TIAM2: variants seen among roughly 807,000 people sequenced by gnomAD.
TIAM2 encodes rho guanine nucleotide exchange factor TIAM2.
A neutral mutation model predicts 152.9 loss-of-function variants in TIAM2; 80 were observed. The observed-to-expected ratio is 0.52, with a 90% CI of 0.44 to 0.63. TIAM2 has a LOEUF of 0.63. TIAM2 is among the 30% of genes least tolerant of loss of function. The pLI, the probability that TIAM2 is intolerant of heterozygous loss-of-function variation, is 0.00. For synonymous variants in TIAM2, 804 were observed against 838.0 expected (o/e 0.96, Z 0.70); for missense variants, 1,965 against 2,120.1 (o/e 0.93, Z 1.44).
rs1171418287 is a variant in TIAM2, at chr6:155,164,135, TTTTTTTTTTTC to T, written c.2029-271_2029-261del. ...GCACCACACCAGCTAATTTTTGTGT[TTTTTTTTTTTC>T]TTTTTTTTAGTAGAGATGGAGTTTC... On this transcript the variant is annotated intron_variant, in intron 7 of 26. Transcript: ENST00000682666. 5.3e-3 allele frequency among the ~76,000 whole-genome samples: 438 copies of T among 83,262 alleles called. 7 individuals are homozygous for T. The highest frequency in any genetic ancestry group is 0.022 in the African/African-American group (414 of 19,206). The allele number at this position is 83,262 out of a possible 152,430, so 54.6% of individuals were successfully genotyped here.
At chr6:155,219,780 A>T (rs1236749249) in intron 15 of TIAM2, among the ~76,000 whole-genome samples, 1 of 152,174 alleles carries the variant, frequency 6.6e-6, no homozygotes, top group East Asian at 1.9e-4. Flanking sequence ...TGTGGCATAA[A>T]GCACACAGAG....
intron 2 of TIAM2, among the ~76,000 whole-genome samples, chr6:155,125,235 C>T (rs1779264979): frequency 6.6e-6 from 1 of 152,078 alleles, no homozygotes; most frequent in African/African-American, 2.4e-5. Context: ...TGTACCGCTG[C>T]ACTCCAGCCT....
intron 15 of TIAM2, among the ~76,000 whole-genome samples, chr6:155,237,974 C>T (rs1466047897): frequency 6.6e-6 from 1 of 152,248 alleles, no homozygotes; most frequent in South Asian, 2.1e-4. Context: ...GCTTAGATTT[C>T]TCTTCAGAAA....
chr6:155,184,751 C>T (rs1012977896), intron 14 of TIAM2, among the ~76,000 whole-genome samples: 7 of 152,068 alleles, frequency 4.6e-5, no homozygotes, highest in African/African-American at 9.7e-5. Flanking sequence ...GTAAGATTTG[C>T]GATTCAATAA....
At chr6:155,017,660 C>T (rs1429262498) in intron 1 of TIAM2, among the ~76,000 whole-genome samples, 21 of 152,094 alleles carry the variant, frequency 1.4e-4, no homozygotes, top group South Asian at 2.1e-4. Flanking sequence ...CCTGCCACCA[C>T]GCCCGGCTAA....
intron 1 of TIAM2, among the ~76,000 whole-genome samples, chr6:155,067,506 A>G (rs1463635916): frequency 6.6e-6 from 1 of 152,100 alleles, no homozygotes; most frequent in African/African-American, 2.4e-5. Context: ...AGGGAGATGC[A>G]TGTTCTTATA....
intron 1 of TIAM2, among the ~76,000 whole-genome samples, chr6:155,045,840 CTTTTTTT>C (rs11354850): frequency 3.3e-5 from 2 of 60,496 alleles, no homozygotes; most frequent in African/African-American, 1.4e-4. Context: ...ATAGTGCCCT[CTTTTTTT>C]TTTTTTTTTT....
chr6:155,011,905 C>T (rs1217830662), intron 1 of TIAM2, among the ~76,000 whole-genome samples: 1 of 152,172 alleles, frequency 6.6e-6, no homozygotes, highest in African/African-American at 2.4e-5. Context: ...TGCGTAGCTA[C>T]TGTATGCTTG....
intron 1 of TIAM2, among the ~76,000 whole-genome samples, chr6:155,089,496 C>T (rs1055935320): frequency 4.6e-5 from 7 of 152,136 alleles, no homozygotes; most frequent in Admixed American, 2.0e-4. Context: ...CATGAGCCAC[C>T]GTGCCTGGCC....
At chr6:155,101,690 T>C in intron 2 of TIAM2, among the ~76,000 whole-genome samples, 1 of 152,130 alleles carries the variant, frequency 6.6e-6, no homozygotes, top group East Asian at 1.9e-4. Flanking sequence ...TTTCTGATAG[T>C]TCACATTACT....
chr6:155,250,697 A>G, intron 21 of TIAM2: 5 of 1,371,934 alleles, frequency 3.6e-6, no homozygotes, highest in Non-Finnish European at 2.0e-6. Flanking sequence ...ACTGGAGCAA[A>G]ATGCCTTCAC....
Position 155,199,690 on chromosome 6 carries a change from G to A in TIAM2, c.3065-11514G>A, listed in dbSNP as rs572537196. On this transcript the variant is annotated intron_variant, in intron 14 of 26. Coordinates refer to ENST00000682666, the MANE Select transcript of TIAM2 (RefSeq NM_012454.4). ...CATTTCCTCCAAAATTTTATGAAGC[G>A]AAAAAAGCAAAGTAATGGATCAAAC... Among the ~76,000 whole-genome samples, 342 of 152,176 alleles carry A rather than the reference G, an allele frequency of 2.2e-3. 1 individual carries two copies. Among genetic ancestry groups the A allele is most frequent in the African/African-American group, 7.6e-3 (316 of 41,522 alleles).
At chr6:155,228,407 GA>G (rs1219313973) in intron 15 of TIAM2, among the ~76,000 whole-genome samples, 1 of 152,060 alleles carries the variant, frequency 6.6e-6, no homozygotes, top group East Asian at 1.9e-4. Context: ...TATATAAAAA[GA>G]AAAAAGTCTC....
intron 1 of TIAM2, among the ~76,000 whole-genome samples, chr6:155,005,650 T>C (rs1451746044): frequency 4.0e-5 from 6 of 149,210 alleles, no homozygotes; most frequent in African/African-American, 1.5e-4. Flanking sequence ...CTGTGAGAAT[T>C]CTTTACTTTT....
chr6:155,255,553 A>G (rs933349619), intron 26 of TIAM2: 1 of 152,130 alleles, frequency 6.6e-6, no homozygotes, highest in Non-Finnish European at 1.5e-5. Flanking sequence ...ACATGCTGTT[A>G]TTACTTTGTA....
Position 155,249,955 on chromosome 6 carries a change from G to A in TIAM2, c.3937G>A (p.Gly1313Arg), listed in dbSNP as rs1158605176. The A allele has an allele frequency of 3.1e-6, 5 of 1,612,968 alleles. No homozygotes were observed. The highest frequency in any genetic ancestry group is 1.7e-5 in the Admixed American group (1 of 59,744). The change falls in exon 21 of 27, where the codon GGA (glycine) becomes AGA (arginine). Residue 1313 changes from glycine (G) to arginine (R), a missense_variant. Physicochemically the swap from Gly to Arg is moderately radical, Grantham distance 125. Coordinates refer to ENST00000682666, the MANE Select transcript of TIAM2 (RefSeq NM_012454.4). ...VFDQLVAEQS[G>R]TEKEVTELSM... is the part of the protein sequence containing the mutation. ...TGACCAGCTAGTAGCTGAGCAGAGCGGAACAGAGAAGGAGGTCCGTGAGAC... is the reference window on the plus strand; with the variant it reads ...TGACCAGCTAGTAGCTGAGCAGAGCAGAACAGAGAAGGAGGTCCGTGAGAC...
At chr6:155,157,799 C>T (rs1464895737) in intron 7 of TIAM2, among the ~76,000 whole-genome samples, 1 of 152,178 alleles carries the variant, frequency 6.6e-6, no homozygotes, top group African/African-American at 2.4e-5. Context: ...TGCTTGCTAA[C>T]TAAACCAGGT....
rs761598473 is a variant in TIAM2 at position 155,183,670 on chromosome 6, G to A, written c.3064+170G>A. On this transcript the variant is annotated intron_variant, in intron 14 of 26. Coordinates refer to ENST00000682666, the MANE Select transcript of TIAM2 (RefSeq NM_012454.4). ...AGTAGATTTTATCAAAATTTCATGC[G>A]TTTTAGTAATTATAGCGCTTTCATT... is the stretch of plus-strand genomic sequence containing the variant. Among the ~76,000 whole-genome samples, 8 of 152,130 alleles carry A rather than the reference G, an allele frequency of 5.3e-5. No individual in the cohort carries two copies. The East Asian group carries it at 7.7e-4, about 15-fold the overall frequency.
intron 2 of TIAM2, among the ~76,000 whole-genome samples, chr6:155,106,308 T>A (rs961301435): frequency 1.3e-5 from 2 of 152,040 alleles, no homozygotes; most frequent in Non-Finnish European, 2.9e-5. Context: ...CCCAGCCTTT[T>A]TGGGGTATTT....
Sources: allele counts gnomAD v4.1 joint callset (sites outside exome capture counted in the v4.1 genomes callset), GRCh38; gene constraint gnomAD v4.1.1; transcripts MANE v1.5; gene names NCBI Gene and HGNC (gene_info 2026-07-23, HGNC 2026-07-21).